TLE4: variants seen among roughly 807,000 people sequenced by gnomAD.
TLE4 encodes the protein TLE family member 4, transcriptional corepressor, also known as transducin-like enhancer protein 4.
TLE4 carries 8 observed loss-of-function variants against 92.8 expected under a neutral mutation model. That is an observed-to-expected ratio of 0.09 (90% CI 0.05 to 0.16). The LOEUF is 0.16. TLE4 is among the 10% of genes least tolerant of loss of function. TLE4 has a pLI of 1.00. For synonymous variants in TLE4, 371 were observed against 374.1 expected, an observed-to-expected ratio of 0.99 and a Z score of 0.10; for missense variants, 675 against 997.6, an observed-to-expected ratio of 0.68 and a Z score of 4.36.
At chr9:79,657,772 A>G (rs1031035174) in intron 8 of TLE4, among the ~76,000 whole-genome samples, 2 of 152,178 alleles carry the variant, frequency 1.3e-5, no homozygotes, top group African/African-American at 4.8e-5. Context: ...TCAGGTAGCA[A>G]AAAATAGGCA....
Position 79,725,340 on chromosome 9 carries a change from C to A in TLE4, c.*196C>A. 1 of 466,880 alleles carries A rather than the reference C, an allele frequency of 2.1e-6. No homozygotes were observed. The allele number at this position is 466,880 out of a possible 1,614,324, so 28.9% of individuals were successfully genotyped here. On this transcript the variant is annotated 3_prime_UTR_variant, in exon 20 of 20. Transcript: ENST00000376552. ...AATAGTCATTAAAAACCTGTGATAC[C>A]AAATCTTCAGCTGTCTACTTGGAAG...
chr9:79,679,830 C>T (rs1048107119), intron 8 of TLE4, among the ~76,000 whole-genome samples: 1 of 152,110 alleles, frequency 6.6e-6, no homozygotes, highest in African/African-American at 2.4e-5. Context: ...CAGCTTTCTA[C>T]ATATGGCTAG....
chr9:79,650,582 G>A (rs1372681591), intron 6 of TLE4, among the ~76,000 whole-genome samples: 1 of 152,084 alleles, frequency 6.6e-6, no homozygotes, highest in Non-Finnish European at 1.5e-5. Context: ...ATATAATTTT[G>A]TGTGCATACT....
chr9:79,606,549 C>G (rs952951602), intron 4 of TLE4, among the ~76,000 whole-genome samples: 21 of 151,892 alleles, frequency 1.4e-4, no homozygotes, highest in African/African-American at 4.8e-4. Flanking sequence ...CCAACAGGCC[C>G]TGATGTGTAA....
rs2076292061 is a variant in TLE4 at position 79,725,421 on chromosome 9, T to C, written c.*277T>C. Reference sequence around the variant, plus strand: ...AGAATCTTTAATTATGTATTATATCTGTAATATATTTATTTTGTTTAAAGA... The same window carrying C: ...AGAATCTTTAATTATGTATTATATCCGTAATATATTTATTTTGTTTAAAGA... On this transcript the variant is annotated 3_prime_UTR_variant, in exon 20 of 20. Transcript: ENST00000376552. 1 of 213,284 alleles carries C rather than the reference T, an allele frequency of 4.7e-6. No homozygotes were observed. The highest frequency in any genetic ancestry group is 5.5e-5 in the Admixed American group (1 of 18,294). 13.2% of individuals were successfully genotyped at this position (213,284 alleles called of 1,614,324 possible). A position where few individuals can be genotyped will look rare whatever the true frequency, so the allele number is the denominator to read the frequency against.
At chr9:79,692,122 T>C (rs1041285710) in intron 8 of TLE4, among the ~76,000 whole-genome samples, 1 of 152,236 alleles carries the variant, frequency 6.6e-6, no homozygotes, top group Admixed American at 6.5e-5. Flanking sequence ...TAGAGCACTT[T>C]AGAATTATTT....
intron 5 of TLE4, among the ~76,000 whole-genome samples, chr9:79,620,391 T>G (rs2050668651): frequency 6.6e-6 from 1 of 152,230 alleles, no homozygotes; most frequent in Non-Finnish European, 1.5e-5. Context: ...TTGCCCAAAG[T>G]TCTGTTGGAC....
chr9:79,689,295 C>G (rs755463523), intron 8 of TLE4, among the ~76,000 whole-genome samples: 32 of 149,772 alleles, frequency 2.1e-4, no homozygotes, highest in Non-Finnish European at 3.7e-4. Flanking sequence ...GTCAATTTCC[C>G]TGTGGTGTGT....
At chr9:79,595,661 G>A (rs2043775615) in intron 4 of TLE4, among the ~76,000 whole-genome samples, 2 of 152,040 alleles carry the variant, frequency 1.3e-5, no homozygotes, top group African/African-American at 4.8e-5. Flanking sequence ...TCAAATTCAA[G>A]GTGGTCTGGA....
At chr9:79,693,057 T>G (rs920673035) in intron 8 of TLE4, among the ~76,000 whole-genome samples, 9 of 152,180 alleles carry the variant, frequency 5.9e-5, no homozygotes, top group Admixed American at 5.9e-4. Context: ...TCCCTTCCCT[T>G]TAGACTCTAC....
intron 4 of TLE4, among the ~76,000 whole-genome samples, chr9:79,603,335 T>A (rs1476176545): frequency 1.3e-5 from 2 of 152,128 alleles, no homozygotes; most frequent in African/African-American, 4.8e-5. Flanking sequence ...ACAAGCTTAA[T>A]TATTGTCTGT....
chr9:79,641,967 A>T (rs115673074), intron 6 of TLE4, among the ~76,000 whole-genome samples: 3,353 of 152,068 alleles, frequency 0.022, 113 homozygotes, highest in African/African-American at 0.074. Flanking sequence ...TTTTTAATTA[A>T]AAAAGGGTAT....
intron 8 of TLE4, among the ~76,000 whole-genome samples, chr9:79,675,081 A>G (rs2063052506): frequency 6.6e-6 from 1 of 152,148 alleles, no homozygotes; most frequent in Non-Finnish European, 1.5e-5. Context: ...TGTAGTGATA[A>G]TACTTTATAA....
At chr9:79,712,492 A>AG (rs1458510746) in intron 14 of TLE4, among the ~76,000 whole-genome samples, 1 of 152,212 alleles carries the variant, frequency 6.6e-6, no homozygotes, top group Non-Finnish European at 1.5e-5. Context: ...AAAATAAAAA[A>AG]TCACCTAAAG....
chr9:79,619,499 G>A (rs1001043060), intron 5 of TLE4, among the ~76,000 whole-genome samples: 6 of 152,170 alleles, frequency 3.9e-5, no homozygotes, highest in South Asian at 2.1e-4. Context: ...CCTTACAGTC[G>A]TGCCAGGTTA....
chr9:79,721,413 A>C (rs1417325959), intron 16 of TLE4, among the ~76,000 whole-genome samples: 2 of 152,212 alleles, frequency 1.3e-5, no homozygotes. Flanking sequence ...AGGTCTCAGA[A>C]TATATCTTTA....
chr9:79,683,037 A>T (rs538695870), intron 8 of TLE4, among the ~76,000 whole-genome samples: 1 of 152,248 alleles, frequency 6.6e-6, no homozygotes, highest in Non-Finnish European at 1.5e-5. Context: ...TAGTTTTTAC[A>T]TCTTTGACAG....
chr9:79,638,929 G>A (rs553182324), intron 6 of TLE4, among the ~76,000 whole-genome samples: 78 of 152,224 alleles, frequency 5.1e-4, no homozygotes, highest in African/African-American at 1.9e-3. Flanking sequence ...GCTACCCTCT[G>A]CTATCAAGGC....
chr9:79,603,742 T>A (rs549651882), intron 4 of TLE4, among the ~76,000 whole-genome samples: 1 of 152,228 alleles, frequency 6.6e-6, no homozygotes, highest in Admixed American at 6.5e-5. Flanking sequence ...TGCAAAAGAA[T>A]TCATGAGATT....
Sources: gnomAD v4.1 joint callset for allele counts (sites outside exome capture counted in the v4.1 genomes callset) on GRCh38, gnomAD v4.1.1 for gene constraint, MANE v1.5 for transcripts, NCBI Gene and HGNC (gene_info 2026-07-23, HGNC 2026-07-21) for gene names.